The following AGO3 variants were observed in gnomAD, a reference collection of about 807,000 sequenced individuals.
AGO3 encodes the protein protein argonaute-3.
In AGO3, 16 loss-of-function variants were observed where a neutral mutation model predicts 105.5. The ratio of observed to expected loss-of-function variants is 0.15; its 90% confidence interval spans 0.10 to 0.23. The LOEUF (loss-of-function observed/expected upper bound fraction) is 0.23, where lower values mean the gene tolerates loss of function less well. AGO3 is among the 10% of genes least tolerant of loss of function. AGO3 has a pLI of 1.00. For missense variants in AGO3, 534 were observed against 1,088.0 expected (o/e 0.49, Z 7.16); for synonymous variants, 340 against 367.3 (o/e 0.93, Z 0.85).
At chr1:36,001,966 C>CA (rs1440976647) in intron 5 of AGO3, among the ~76,000 whole-genome samples, 1 of 151,910 alleles carries the variant, frequency 6.6e-6, no homozygotes, top group Non-Finnish European at 1.5e-5. Context: ...CACTCAGTAC[C>CA]AAAAAATGAA....
At chr1:36,035,112 T>C (rs967032582) in intron 13 of AGO3, among the ~76,000 whole-genome samples, 4 of 152,190 alleles carry the variant, frequency 2.6e-5, no homozygotes, top group African/African-American at 7.2e-5. Flanking sequence ...ACAAAAGTCC[T>C]TTTTTTCCTG....
chr1:35,960,549 T>C (rs1220719901), intron 2 of AGO3, among the ~76,000 whole-genome samples: 1 of 152,018 alleles, frequency 6.6e-6, no homozygotes, highest in East Asian at 1.9e-4. Flanking sequence ...GGCTCACACA[T>C]GTAATCTCAA....
At chr1:35,954,428 G>A (rs1421614133) in intron 2 of AGO3, among the ~76,000 whole-genome samples, 1 of 152,016 alleles carries the variant, frequency 6.6e-6, no homozygotes, top group South Asian at 2.1e-4. Flanking sequence ...TACAATAGCT[G>A]TATAGTGTTC....
intron 5 of AGO3, among the ~76,000 whole-genome samples, chr1:35,980,916 T>C (rs1647040627): frequency 1.3e-5 from 2 of 152,230 alleles, no homozygotes. Flanking sequence ...TGCTTCTTAC[T>C]GTGCCTTTGG....
chr1:35,950,660 A>C (rs149699968), intron 2 of AGO3, among the ~76,000 whole-genome samples: 1 of 152,154 alleles, frequency 6.6e-6, no homozygotes, highest in Non-Finnish European at 1.5e-5. Context: ...GTATATTTCA[A>C]ATGTTACTAG....
chr1:35,939,839 C>T (rs1007826884), intron 1 of AGO3, among the ~76,000 whole-genome samples: 1 of 152,068 alleles, frequency 6.6e-6, no homozygotes, highest in Admixed American at 6.5e-5. Flanking sequence ...ACGCAGTCAT[C>T]AACCCACGTC....
At chr1:36,026,194 C>T (rs140659628) in intron 11 of AGO3, among the ~76,000 whole-genome samples, 4,472 of 152,190 alleles carry the variant, frequency 0.029, 77 homozygotes, top group African/African-American at 0.057. Context: ...CTGCAACCTC[C>T]GCTTCCCAGA....
intron 1 of AGO3, among the ~76,000 whole-genome samples, chr1:35,937,361 G>A (rs1378982274): frequency 1.3e-5 from 2 of 150,868 alleles, no homozygotes; most frequent in African/African-American, 4.9e-5. Context: ...TGAGGTCACG[G>A]CATTGCACTC....
chr1:35,970,231 A>G (rs945391215), intron 3 of AGO3, among the ~76,000 whole-genome samples: 1 of 152,232 alleles, frequency 6.6e-6, no homozygotes, highest in East Asian at 1.9e-4. Flanking sequence ...TAGGAAATTT[A>G]TAAATAAGTA....
rs570122213 is a variant in AGO3, at chr1:35,958,252, G to A, written c.192-8703G>A. 1.1e-4 allele frequency among the ~76,000 whole-genome samples: 17 copies of A among 151,602 alleles called. No homozygotes were observed. In the South Asian group the frequency reaches 1.5e-3, roughly 13 times the overall value. ...AAAAATTAGCCAGGCATGGTGGTGC[G>A]CGTTTGTAATCCCAGCTACCCAGGA... On this transcript the variant is annotated intron_variant, in intron 2 of 18. Coordinates refer to ENST00000373191, the MANE Select transcript of AGO3 (RefSeq NM_024852.4).
chr1:36,055,835 C>A lies in AGO3; in HGVS notation c.*90C>A, dbSNP rs1642899944. 2 of 1,291,294 alleles carry A rather than the reference C, an allele frequency of 1.5e-6. No individual in the cohort carries two copies. Among genetic ancestry groups the A allele is most frequent in the Admixed American group, 2.0e-5 (1 of 51,010 alleles). 80.0% of individuals were successfully genotyped at this position (1,291,294 alleles called of 1,614,324 possible). A position where few individuals can be genotyped will look rare whatever the true frequency, so the allele number is the denominator to read the frequency against. On this transcript the variant is annotated 3_prime_UTR_variant, in exon 19 of 19. Transcript: ENST00000373191. This position sits in a 1 kb window ranked among gnomAD's most constrained non-coding sequence, Gnocchi z 4.4. Reference sequence around the variant, plus strand: ...CAGTGAAGTCAATTGAGTAAGGACACCTCCAGCCATACAGAAACCAACACT... The same window carrying A: ...CAGTGAAGTCAATTGAGTAAGGACAACTCCAGCCATACAGAAACCAACACT...
At position 36,055,023 on chromosome 1, in the gene AGO3, T is replaced by C; in HGVS notation, c.2352T>C (p.Thr784=). The change falls in exon 18 of 19, where the codon ACT becomes ACC. Residue 784 remains threonine, a synonymous_variant. Coordinates refer to ENST00000373191, the MANE Select transcript of AGO3 (RefSeq NM_024852.4). This position sits in a 1 kb window ranked among gnomAD's most constrained non-coding sequence, Gnocchi z 4.4. ...CFTADELQLL[T]YQLCHTYVRC... The stretch of plus-strand genomic sequence containing the variant: ...CTGCAGATGAACTTCAGCTGCTAAC[T>C]TACCAGCTCTGCCACACTTACGTAC... 1.2e-6 allele frequency: 2 copies of C among 1,614,250 alleles called. No individual in the cohort carries two copies. Among genetic ancestry groups the C allele is most frequent in the Non-Finnish European group, 1.7e-6 (2 of 1,180,036 alleles).
Position 36,071,878 on chromosome 1 carries a change from T to C in AGO3, c.*16133T>C, listed in dbSNP as rs1000292259. 6.6e-6 allele frequency: 1 copy of C among 152,192 alleles called. No homozygotes were observed. Among genetic ancestry groups the C allele is most frequent in the Non-Finnish European group, 1.5e-5 (1 of 68,030 alleles). 9.4% of individuals were successfully genotyped at this position (152,192 alleles called of 1,614,324 possible). A position where few individuals can be genotyped will look rare whatever the true frequency, so the allele number is the denominator to read the frequency against. ...GGTGGAGAATGGATGAGAGCAAGTC[T>C]ATGATATATATGTAGTCATTGTATA... is the stretch of plus-strand genomic sequence containing the variant. On this transcript the variant is annotated 3_prime_UTR_variant, in exon 19 of 19. Coordinates refer to ENST00000373191, the MANE Select transcript of AGO3 (RefSeq NM_024852.4).
Position 36,036,216 on chromosome 1 carries a change from C to G in AGO3, c.1791C>G (p.Ala597=). 1.2e-6 allele frequency: 2 copies of G among 1,614,032 alleles called. No individual in the cohort carries two copies. The highest frequency in any genetic ancestry group is 1.7e-6 in the Non-Finnish European group (2 of 1,179,974). The change falls in exon 14 of 19, where the codon GCC becomes GCG. Residue 597 remains alanine, a synonymous_variant. Transcript: ENST00000373191. ...AGCAACCAGTGATCTTTTTGGGAGC[C>G]GATGTCACTCATCCACCTGCTGGTG... ...VFQQPVIFLG[A]DVTHPPAGDG...
At chr1:36,049,285 C>T (rs898674702) in intron 17 of AGO3, among the ~76,000 whole-genome samples, 3 of 152,064 alleles carry the variant, frequency 2.0e-5, no homozygotes, top group African/African-American at 7.2e-5. Context: ...TTTGGGAGGC[C>T]AAGGCCGGTG....
In AGO3 at chr1:36,055,758, T is replaced by G; in HGVS notation, c.*13T>G. On this transcript the variant is annotated 3_prime_UTR_variant, in exon 19 of 19. Transcript: ENST00000373191. The surrounding 1 kb of genome is among the most constrained non-coding windows in gnomAD (Gnocchi z 4.4). ...GTACTTCGCTTAAATAGTCCAAGTA[T>G]ATTCTCTGAGAGGAAGTACTGAAAG... 6.2e-7 allele frequency: 1 copy of G among 1,610,022 alleles called. No individual in the cohort carries two copies. Among genetic ancestry groups the G allele is most frequent in the South Asian group, 1.1e-5 (1 of 90,928 alleles).
intron 15 of AGO3, 119 bp from the exon 16 acceptor site, chr1:36,040,188 A>G: frequency 8.2e-7 from 1 of 1,214,242 alleles, no homozygotes; most frequent in Non-Finnish European, 1.1e-6. Flanking sequence ...TTAAAATGGA[A>G]TCTATTAGCT....
intron 14 of AGO3, among the ~76,000 whole-genome samples, chr1:36,036,798 G>A (rs1332615657): frequency 4.6e-5 from 7 of 151,994 alleles, no homozygotes; most frequent in African/African-American, 1.2e-4. Context: ...AGGTTCAAGC[G>A]ATTATCCTGC....
intron 3 of AGO3, among the ~76,000 whole-genome samples, chr1:35,971,516 T>A (rs1464630867): frequency 6.6e-6 from 1 of 151,940 alleles, no homozygotes; most frequent in Admixed American, 6.6e-5. Context: ...ATTTCAAAAG[T>A]ATACCAAAAC....
Sources: allele counts gnomAD v4.1 joint callset (sites outside exome capture counted in the v4.1 genomes callset), GRCh38; gene constraint gnomAD v4.1.1; non-coding constraint Gnocchi (gnomAD v3.1); transcripts MANE v1.5; gene names NCBI Gene and HGNC (gene_info 2026-07-23, HGNC 2026-07-21).